Variants in FARP1 observed in about 807,000 individuals in gnomAD.
The protein encoded by FARP1 is FERM, ARHGEF and pleckstrin domain-containing protein 1.
Under a neutral mutation model 128.8 loss-of-function variants are expected in FARP1, and 52 were observed. The ratio of observed to expected loss-of-function variants is 0.40; its 90% CI spans 0.32 to 0.51. FARP1 has a LOEUF of 0.51. Among genes scored for constraint, FARP1 ranks in the 20% least tolerant of loss-of-function variants. The pLI is 0.45. For synonymous variants in FARP1, 580 were observed against 551.8 expected (o/e 1.05, Z -0.72); for missense variants, 1,333 against 1,367.9 (o/e 0.97, Z 0.40).
intron 1 of FARP1, among the ~76,000 whole-genome samples, chr13:98,165,577 A>G (rs538476300): frequency 2.0e-4 from 30 of 151,372 alleles, no homozygotes; most frequent in African/African-American, 6.8e-4. Context: ...GGGAAAGTTT[A>G]CTCTATTTAA....
In FARP1 at chr13:98,410,715, C is replaced by G. The variant is rs903465572; in HGVS notation, c.1603-19C>G. 11 of 1,433,970 alleles carry G rather than the reference C, an allele frequency of 7.7e-6. No individual in the cohort carries two copies. The African/African-American group carries it at 1.4e-4, about 18-fold the overall frequency. The allele number at this position is 1,433,970 out of a possible 1,614,324, so 88.8% of individuals were successfully genotyped here. Reference sequence around the variant, plus strand: ...CAAAAATGATTATTGCGCTTTGTTTCTTTTGCTGGGTTTTGCAGAGATTCC... The same window carrying G: ...CAAAAATGATTATTGCGCTTTGTTTGTTTTGCTGGGTTTTGCAGAGATTCC... On this transcript the variant is annotated intron_variant, in intron 14 of 26. Coordinates refer to ENST00000319562, the MANE Select transcript of FARP1 (RefSeq NM_005766.4).
intron 3 of FARP1, among the ~76,000 whole-genome samples, chr13:98,354,908 A>C (rs2139924312): frequency 6.6e-6 from 1 of 152,330 alleles, no homozygotes; most frequent in South Asian, 2.1e-4. Context: ...TTGAAATGTA[A>C]TCTAAGTATG....
intron 24 of FARP1, among the ~76,000 whole-genome samples, chr13:98,443,067 G>A (rs1892593996): frequency 6.6e-6 from 1 of 152,246 alleles, no homozygotes; most frequent in African/African-American, 2.4e-5. Context: ...AAGGCACTGA[G>A]TCAGGGGCAC....
chr13:98,398,518 T>C (rs1890642167), intron 13 of FARP1: 1 of 152,214 alleles, frequency 6.6e-6, no homozygotes. Flanking sequence ...CTTGGTGCAA[T>C]AGGAGCTTTT....
chr13:98,426,297 T>C (rs1658499475), intron 17 of FARP1, among the ~76,000 whole-genome samples: 1 of 152,122 alleles, frequency 6.6e-6, no homozygotes, highest in Non-Finnish European at 1.5e-5. Flanking sequence ...GAGAGCAGCC[T>C]AGACAACATA....
In FARP1 at chr13:98,309,416, G is replaced by A. The variant is rs574834445; in HGVS notation, c.172-34346G>A. 1.1e-4 allele frequency among the ~76,000 whole-genome samples: 16 copies of A among 150,308 alleles called. No homozygotes were observed. In the South Asian group the frequency reaches 2.8e-3, roughly 26 times the overall value. ...GATCTCCTGACCTCGTGATCCGCCC[G>A]CCTCGGCCTCCCAAAGTGCTGGGAT... On this transcript the variant is annotated intron_variant, in intron 2 of 26. Transcript: ENST00000319562.
chr13:98,378,561 A>C (rs1202725193), intron 6 of FARP1, among the ~76,000 whole-genome samples: 1 of 152,210 alleles, frequency 6.6e-6, no homozygotes, highest in African/African-American at 2.4e-5. Flanking sequence ...CTTAATGTAT[A>C]ATAAGCACTA....
intron 2 of FARP1, among the ~76,000 whole-genome samples, chr13:98,222,197 G>A (rs1369964937): frequency 6.6e-6 from 1 of 152,168 alleles, no homozygotes; most frequent in Non-Finnish European, 1.5e-5. Context: ...GTGGAATTCT[G>A]TGGCTCTGGT....
rs1878166446 is a variant in FARP1 at position 98,177,396 on chromosome 13, C to T, written c.-24+33904C>T. ...GCGCGGTGACTCACTCTTGTAATCCCGGGACACTGGGAGGCCGAGGTGGGA... is the reference window on the plus strand; with the variant it reads ...GCGCGGTGACTCACTCTTGTAATCCTGGGACACTGGGAGGCCGAGGTGGGA... On this transcript the variant is annotated intron_variant, in intron 1 of 26. Coordinates refer to ENST00000319562, the MANE Select transcript of FARP1 (RefSeq NM_005766.4). 9 of 560,728 alleles carry T rather than the reference C, an allele frequency of 1.6e-5. 1 individual carries two copies. The highest frequency in any genetic ancestry group is 3.4e-5 in the South Asian group (1 of 29,206). 34.7% of individuals were successfully genotyped at this position (560,728 alleles called of 1,614,324 possible). A position where few individuals can be genotyped will look rare whatever the true frequency, so the allele number is the denominator to read the frequency against.
chr13:98,255,673 T>C (rs995061862), intron 2 of FARP1, among the ~76,000 whole-genome samples: 3 of 152,246 alleles, frequency 2.0e-5, no homozygotes, highest in African/African-American at 4.8e-5. Context: ...TTGTTTGTCT[T>C]TTTTATAGTT....
chr13:98,156,169 G>A (rs958255406), intron 1 of FARP1, among the ~76,000 whole-genome samples: 1 of 152,162 alleles, frequency 6.6e-6, no homozygotes, highest in Non-Finnish European at 1.5e-5. Flanking sequence ...CTTGTGATCA[G>A]TGTTTTTTAA....
chr13:98,443,880 A>G (rs9513424), intron 24 of FARP1, among the ~76,000 whole-genome samples: 130 of 9,226 alleles, frequency 0.014, no homozygotes, highest in East Asian at 0.032. Flanking sequence ...ACAGGACCGG[A>G]AGGAGGGAAG....
intron 1 of FARP1, among the ~76,000 whole-genome samples, chr13:98,204,978 A>G (rs1020569166): frequency 5.3e-5 from 8 of 152,120 alleles, no homozygotes; most frequent in African/African-American, 1.7e-4. Flanking sequence ...TTTGGCTATT[A>G]TAGTTGAATG....
intron 5 of FARP1, among the ~76,000 whole-genome samples, chr13:98,369,016 C>G (rs1365523965): frequency 6.6e-6 from 1 of 151,646 alleles, no homozygotes; most frequent in South Asian, 2.1e-4. Flanking sequence ...ACCTCTGCCT[C>G]CCGGATTCAA....
At chr13:98,435,160 G>A (rs1404263954) in intron 18 of FARP1, among the ~76,000 whole-genome samples, 1 of 152,162 alleles carries the variant, frequency 6.6e-6, no homozygotes, top group African/African-American at 2.4e-5. Flanking sequence ...TCCCAAGGAG[G>A]TGCTGACTTT....
chr13:98,440,337 G>T, intron 23 of FARP1, 102 bp downstream of exon 23: 1 of 846,382 alleles, frequency 1.2e-6, no homozygotes, highest in South Asian at 1.4e-5. Context: ...TCACATCCGT[G>T]GTGTACATTT....
At chr13:98,419,724 G>A (rs1489390215) in intron 16 of FARP1, among the ~76,000 whole-genome samples, 1 of 152,110 alleles carries the variant, frequency 6.6e-6, no homozygotes, top group Non-Finnish European at 1.5e-5. Context: ...ATGTGGTATT[G>A]GTGTTGCAAG....
Position 98,174,856 on chromosome 13 carries a change from A to G in FARP1, c.-24+31364A>G, listed in dbSNP as rs78717567. 2.7e-4 allele frequency among the ~76,000 whole-genome samples: 41 copies of G among 152,298 alleles called. No homozygotes were observed. In the East Asian group the frequency reaches 7.7e-3, roughly 29 times the overall value. ...AACTGAGGCACAGAGAGGTAAAGTA[A>G]CATACCCAAGGTCACGCAGCTGTAA... On this transcript the variant is annotated intron_variant, in intron 1 of 26. Transcript: ENST00000319562.
At position 98,449,762 on chromosome 13, in the gene FARP1, C is replaced by G. The variant is rs1412673363; in HGVS notation, c.*1445C>G. Reference sequence around the variant, plus strand: ...AATCCAGCATATTGATGTTTTAAGGCAAAACAACCAACTTTGTCTGTAGTC... The same window carrying G: ...AATCCAGCATATTGATGTTTTAAGGGAAAACAACCAACTTTGTCTGTAGTC... On this transcript the variant is annotated 3_prime_UTR_variant, in exon 27 of 27. Transcript: ENST00000319562. The G allele has an allele frequency of 1.4e-5, 2 of 139,384 alleles. No individual in the cohort carries two copies. The highest frequency in any genetic ancestry group is 5.4e-5 in the African/African-American group (2 of 37,106). 8.6% of individuals were successfully genotyped at this position (139,384 alleles called of 1,614,324 possible).
Sources: gnomAD v4.1 joint callset for allele counts (sites outside exome capture counted in the v4.1 genomes callset) on GRCh38, gnomAD v4.1.1 for gene constraint, MANE v1.5 for transcripts, NCBI Gene and HGNC (gene_info 2026-07-23, HGNC 2026-07-21) for gene names.